Variants in SETX observed in about 807,000 individuals in gnomAD.
SETX encodes the protein senataxin.
SETX carries 90 observed loss-of-function variants against 227.2 expected under a neutral mutation model. That is an observed-to-expected ratio of 0.40 (90% CI 0.33 to 0.47). The LOEUF (loss-of-function observed/expected upper bound fraction) is 0.47, where lower values mean the gene tolerates loss of function less well. Ranked by LOEUF, SETX falls within the 20% of genes least tolerant of loss-of-function variation. SETX has a pLI of 0.91. For missense variants in SETX, 3,052 were observed against 3,181.5 expected (o/e 0.96, Z 0.98); for synonymous variants, 1,210 against 1,113.2 (o/e 1.09, Z -1.73).
intron 11 of SETX, among the ~76,000 whole-genome samples, chr9:132,307,477 A>T (rs1191404184): frequency 6.6e-6 from 1 of 152,168 alleles, no homozygotes; most frequent in South Asian, 2.1e-4. Flanking sequence ...ACTAAAATAT[A>T]GCAAGGCTCC....
chr9:132,290,508 G>C (rs757303118), intron 15 of SETX, among the ~76,000 whole-genome samples: 3 of 149,376 alleles, frequency 2.0e-5, no homozygotes, highest in Non-Finnish European at 4.4e-5. Context: ...CCAGAAGGTG[G>C]AGGTTGCGGT....
At chr9:132,282,282 T>A (rs1177566701) in intron 19 of SETX, among the ~76,000 whole-genome samples, 3 of 150,262 alleles carry the variant, frequency 2.0e-5, no homozygotes, top group African/African-American at 7.4e-5. Flanking sequence ...TTAAATTTTT[T>A]ATTTATTTTT....
In SETX at chr9:132,264,311, C is replaced by G; in HGVS notation, c.7962G>C (p.Arg2654Ser). 2.5e-6 allele frequency: 4 copies of G among 1,614,234 alleles called. No individual in the cohort carries two copies. The highest frequency in any genetic ancestry group is 3.4e-6 in the Non-Finnish European group (4 of 1,180,046). Reference sequence around the variant, plus strand: ...TCCTCTTGTCCCACCTAGAGTTCCTCCTGGTGTGATGGGTCTCGGAACCAC... The same window carrying G: ...TCCTCTTGTCCCACCTAGAGTTCCTGCTGGTGTGATGGGTCTCGGAACCAC... Reference protein sequence around the residue: ...EKCGSETHHTRRNSRWDKRTL... With the variant: ...EKCGSETHHTSRNSRWDKRTL... Residue 2654 changes from arginine (R) to serine (S), a missense_variant, in exon 26 of 26, where the codon AGG becomes AGC. Physicochemically the swap from Arg to Ser is moderately radical, Grantham distance 110 (BLOSUM62 -1). Around this residue, in one of 10 missense-constraint regions of SETX, gnomAD observed 294 missense variants for 278.8 expected, o/e 1.05. Coordinates refer to ENST00000224140, the MANE Select transcript of SETX (RefSeq NM_015046.7).
At chr9:132,339,696 C>G (rs1177389708) in intron 5 of SETX, among the ~76,000 whole-genome samples, 4 of 152,000 alleles carry the variant, frequency 2.6e-5, no homozygotes, top group Non-Finnish European at 4.4e-5. Flanking sequence ...CACTGCAACC[C>G]CTGCATCCCG....
At position 132,342,496 on chromosome 9, in the gene SETX, G is replaced by C. The variant is rs116531130; in HGVS notation, c.498+194C>G. Among the ~76,000 whole-genome samples, 1,005 of 152,280 alleles carry C rather than the reference G, an allele frequency of 6.6e-3. 14 individuals carry two copies. The highest frequency in any genetic ancestry group is 0.023 in the African/African-American group (940 of 41,544). ...TTTTAAGATCAAGCATCACCTGTCG[G>C]TAAGTATCCCCTACCCTCTGAGATC... On this transcript the variant is annotated intron_variant, in intron 5 of 25. Transcript: ENST00000224140.
chr9:132,305,537 C>A (rs1845285318), intron 11 of SETX, among the ~76,000 whole-genome samples: 2 of 151,988 alleles, frequency 1.3e-5, no homozygotes, highest in Non-Finnish European at 1.5e-5. Context: ...GTATCACCAG[C>A]AATGAGATTT....
chr9:132,324,037 T>C (rs1004647225), intron 10 of SETX, among the ~76,000 whole-genome samples: 1 of 152,196 alleles, frequency 6.6e-6, no homozygotes, highest in African/African-American at 2.4e-5. Flanking sequence ...CTTTGACTAT[T>C]TTAAACTCTG....
intron 18 of SETX, 54 bp from the exon 19 acceptor site, chr9:132,283,467 G>C: frequency 6.3e-7 from 1 of 1,594,470 alleles, no homozygotes; most frequent in African/African-American, 1.3e-5. Context: ...CCTTGACTAT[G>C]ACAGGCCTAT....
At chr9:132,266,623 T>G (rs1842664601) in intron 25 of SETX, among the ~76,000 whole-genome samples, 1 of 151,918 alleles carries the variant, frequency 6.6e-6, no homozygotes, top group Non-Finnish European at 1.5e-5. Flanking sequence ...AATACAAAAA[T>G]TAGCCAAGTG....
At chr9:132,272,493 G>A (rs2131152508) in intron 23 of SETX, among the ~76,000 whole-genome samples, 1 of 151,630 alleles carries the variant, frequency 6.6e-6, no homozygotes, top group South Asian at 2.1e-4. Context: ...AAAAGAGAGA[G>A]AGAGAGAGAC....
Position 132,327,516 on chromosome 9 carries a change from T to TG in SETX, c.4081_4082insC (p.Asn1361ThrfsTer2). On this transcript the variant is annotated frameshift_variant, in exon 10 of 26. Coordinates refer to ENST00000224140, the MANE Select transcript of SETX (RefSeq NM_015046.7). LOFTEE classifies it high-confidence loss of function. ...TTCACAATCAGAAAGTCTTCGTCTATTTTTTTGTGATTTGGGTCTGATCTG... is the reference window on the plus strand; with the variant it reads ...TTCACAATCAGAAAGTCTTCGTCTATGTTTTTTGTGATTTGGGTCTGATCTG... 6.2e-7 allele frequency: 1 copy of TG among 1,614,016 alleles called. No homozygotes were observed. Among genetic ancestry groups the TG allele is most frequent in the Non-Finnish European group, 8.5e-7 (1 of 1,180,018 alleles).
At chr9:132,306,319 T>C (rs1331566926) in intron 11 of SETX, among the ~76,000 whole-genome samples, 2 of 152,218 alleles carry the variant, frequency 1.3e-5, no homozygotes, top group Non-Finnish European at 2.9e-5. Flanking sequence ...TTCAAGCAAT[T>C]CTCCTGCATC....
chr9:132,263,091 A>T lies in SETX; in HGVS notation c.*1148T>A, dbSNP rs138991890. 2.0e-5 allele frequency: 3 copies of T among 152,264 alleles called. No homozygotes were observed. Among genetic ancestry groups the T allele is most frequent in the Non-Finnish European group, 4.4e-5 (3 of 68,044 alleles). The allele number at this position is 152,264 out of a possible 1,614,324, so 9.4% of individuals were successfully genotyped here. ...GAAACACCTATCAGATATTCTAAAC[A>T]GCATGTATTTTTACCAGGTAGATGA... On this transcript the variant is annotated 3_prime_UTR_variant, in exon 26 of 26. Coordinates refer to ENST00000224140, the MANE Select transcript of SETX (RefSeq NM_015046.7).
At position 132,331,436 on chromosome 9, in the gene SETX, T is replaced by C. The variant is rs1211017591; in HGVS notation, c.851A>G (p.Asp284Gly). Residue 284 changes from aspartate to glycine, a missense_variant, in exon 8 of 26, where the codon GAT becomes GGT. Asp to Gly is a moderately conservative substitution (Grantham distance 94, BLOSUM62 -1). This residue lies in a region of SETX where 239 missense variants were observed against 240.8 expected (regional missense o/e 0.99). Coordinates refer to ENST00000224140, the MANE Select transcript of SETX (RefSeq NM_015046.7). ...ACAGTGTAACGCTGGCCAGAAAGGA[T>C]CCACACTATCATCTGAAATACAATG... ...MEREADDDSV[D>G]PFWPALHCFM... is the part of the protein sequence containing the mutation. 1.2e-6 allele frequency: 2 copies of C among 1,613,978 alleles called. No individual in the cohort carries two copies. Among genetic ancestry groups the C allele is most frequent in the Admixed American group, 3.3e-5 (2 of 60,016 alleles).
At position 132,286,417 on chromosome 9, in the gene SETX, A is replaced by G; in HGVS notation, c.6396+6T>C. ...ATCAAGAAAATGCTACAGGTGAACT[A>G]CTTACCTCTTTAATTTTAGAAGCAA... is the stretch of plus-strand genomic sequence containing the variant. On this transcript the variant is annotated splice_donor_region_variant and intron_variant, in intron 18 of 25. Transcript: ENST00000224140. 6.2e-7 allele frequency: 1 copy of G among 1,605,594 alleles called. No homozygotes were observed. Among genetic ancestry groups the G allele is most frequent in the Non-Finnish European group, 8.5e-7 (1 of 1,173,366 alleles).
rs541138087 is a variant in SETX, at chr9:132,275,275, T to C, written c.7081A>G (p.Lys2361Glu). 8.1e-6 allele frequency: 13 copies of C among 1,614,040 alleles called. No individual in the cohort carries two copies. The highest frequency in any genetic ancestry group is 1.1e-5 in the South Asian group (1 of 91,074). ...CCTCACCCTTTTCTATCGAACTCTTTGTCCAAATCCTTCTGAATCATCGTC... is the reference window on the plus strand; with the variant it reads ...CCTCACCCTTTTCTATCGAACTCTTCGTCCAAATCCTTCTGAATCATCGTC... ...QKTMIQKDLD[K>E]EFDRKGPAEV... The change falls in exon 23 of 26, where the codon AAA (lysine) becomes GAA (glutamate). Residue 2361 changes from lysine (K) to glutamate (E), a missense_variant. Around this residue, in one of 10 missense-constraint regions of SETX, gnomAD observed 412 missense variants for 589.0 expected, o/e 0.70. Coordinates refer to ENST00000224140, the MANE Select transcript of SETX (RefSeq NM_015046.7).
intron 2 of SETX, among the ~76,000 whole-genome samples, chr9:132,351,687 C>A (rs2131584879): frequency 6.6e-6 from 1 of 152,308 alleles, no homozygotes; most frequent in East Asian, 1.9e-4. Context: ...AATGGCTAAG[C>A]CCAGGAAACC....
intron 16 of SETX, 54 bp from the exon 17 acceptor site, chr9:132,288,405 A>G: frequency 6.9e-7 from 1 of 1,448,062 alleles, no homozygotes; most frequent in Middle Eastern, 1.7e-4. Flanking sequence ...TAACAAACTC[A>G]CACACATATA....
intron 4 of SETX, among the ~76,000 whole-genome samples, chr9:132,343,804 T>C (rs758815690): frequency 2.0e-5 from 3 of 152,242 alleles, no homozygotes; most frequent in Non-Finnish European, 4.4e-5. Context: ...GATAGATTAT[T>C]CTTTAATACT....
Sources: allele counts gnomAD v4.1 joint callset (sites outside exome capture counted in the v4.1 genomes callset), GRCh38; gene constraint gnomAD v4.1.1; regional missense constraint gnomAD v4.1.1; transcripts MANE v1.5; gene names NCBI Gene and HGNC (gene_info 2026-07-23, HGNC 2026-07-21).